The following MTUS1 variants were observed in gnomAD, a reference collection of about 807,000 sequenced individuals.
The protein encoded by MTUS1 is microtubule-associated tumor suppressor 1.
MTUS1 carries 109 observed loss-of-function variants against 120.8 expected under a neutral mutation model. That is an observed-to-expected ratio of 0.90 (90% CI 0.77 to 1.06). MTUS1 has a LOEUF of 1.06. Among genes scored for constraint, MTUS1 ranks in the 50% least tolerant of loss-of-function variants. The pLI, the probability that MTUS1 is intolerant of heterozygous loss-of-function variation, is 0.00. For synonymous variants in MTUS1, 737 were observed against 550.5 expected (o/e 1.34, Z -4.74); for missense variants, 2,210 against 1,486.3 (o/e 1.49, Z -8.01).
At chr8:17,659,183 A>C (rs1809130084) in intron 8 of MTUS1, among the ~76,000 whole-genome samples, 1 of 152,046 alleles carries the variant, frequency 6.6e-6, no homozygotes, top group Admixed American at 6.5e-5. Context: ...CTGCACCCAA[A>C]GCCCGTGCCC....
intron 6 of MTUS1, among the ~76,000 whole-genome samples, chr8:17,694,635 T>C (rs1046920876): frequency 3.3e-5 from 5 of 151,914 alleles, no homozygotes; most frequent in African/African-American, 7.3e-5. Flanking sequence ...ACCAGTGCAC[T>C]CCAGCCTAGG....
At chr8:17,730,275 A>C (rs924706713) in intron 3 of MTUS1, among the ~76,000 whole-genome samples, 8 of 152,154 alleles carry the variant, frequency 5.3e-5, no homozygotes, top group African/African-American at 1.9e-4. Context: ...CCAGGCCAGG[A>C]GTTTGAGACC....
intron 6 of MTUS1, among the ~76,000 whole-genome samples, chr8:17,711,406 T>C (rs985797365): frequency 2.6e-5 from 4 of 152,230 alleles, no homozygotes; most frequent in East Asian, 1.9e-4. Flanking sequence ...TTTCATGTTA[T>C]GAAGAGTTAC....
At chr8:17,781,988 G>T (rs372467091) in intron 1 of MTUS1, among the ~76,000 whole-genome samples, 2 of 152,216 alleles carry the variant, frequency 1.3e-5, no homozygotes, top group African/African-American at 4.8e-5. Flanking sequence ...GCCCTCCAAG[G>T]ACAGCGCCCT....
At chr8:17,730,308 C>G (rs1033810198) in intron 3 of MTUS1, among the ~76,000 whole-genome samples, 1 of 151,954 alleles carries the variant, frequency 6.6e-6, no homozygotes, top group Admixed American at 6.6e-5. Context: ...ATGGTGAAAC[C>G]CCATCTCTAC....
intron 6 of MTUS1, among the ~76,000 whole-genome samples, chr8:17,687,281 G>C (rs1305928923): frequency 6.6e-6 from 1 of 152,070 alleles, no homozygotes; most frequent in African/African-American, 2.4e-5. Context: ...CGATGACCCA[G>C]TTTCCACATG....
intron 1 of MTUS1, among the ~76,000 whole-genome samples, chr8:17,771,544 A>G (rs570784371): frequency 5.9e-5 from 9 of 152,318 alleles, no homozygotes; most frequent in Non-Finnish European, 1.0e-4. Flanking sequence ...GTGTCATCAA[A>G]GCTGTTACTT....
intron 1 of MTUS1, among the ~76,000 whole-genome samples, chr8:17,762,939 G>C (rs187363388): frequency 4.6e-5 from 7 of 151,176 alleles, no homozygotes; most frequent in African/African-American, 1.7e-4. Flanking sequence ...CTGTCCAGTT[G>C]ACCAGATCAA....
At chr8:17,758,522 ATTAACATTT>A (rs957145623) in intron 1 of MTUS1, among the ~76,000 whole-genome samples, 4 of 152,266 alleles carry the variant, frequency 2.6e-5, no homozygotes, top group Non-Finnish European at 5.9e-5. Context: ...TGAAACATAA[ATTAACATTT>A]TTAATCCTCC....
intron 3 of MTUS1, among the ~76,000 whole-genome samples, chr8:17,730,759 A>G (rs2046518565): frequency 6.6e-6 from 1 of 152,240 alleles, no homozygotes; most frequent in Admixed American, 6.5e-5. Flanking sequence ...TTTCATGATT[A>G]CTAGAATAGT....
intron 6 of MTUS1, among the ~76,000 whole-genome samples, chr8:17,697,016 A>C (rs1324008614): frequency 2.6e-5 from 4 of 152,258 alleles, no homozygotes; most frequent in Non-Finnish European, 5.9e-5. Flanking sequence ...GCTAGGGAAC[A>C]CCAAGGCAAC....
At chr8:17,696,229 T>G (rs1585760175) in intron 6 of MTUS1, among the ~76,000 whole-genome samples, 1 of 151,752 alleles carries the variant, frequency 6.6e-6, no homozygotes, top group Non-Finnish European at 1.5e-5. Flanking sequence ...AAATGACAGG[T>G]CAAGGGGAGT....
chr8:17,753,151 G>T (rs188365051), intron 2 of MTUS1, among the ~76,000 whole-genome samples: 112 of 152,156 alleles, frequency 7.4e-4, no homozygotes, highest in African/African-American at 2.6e-3. Context: ...CATCCACTAG[G>T]TCCAATCCTT....
At chr8:17,746,393 T>C (rs1032693586) in intron 2 of MTUS1, among the ~76,000 whole-genome samples, 2 of 152,140 alleles carry the variant, frequency 1.3e-5, no homozygotes, top group African/African-American at 4.8e-5. Context: ...AAGTCACACC[T>C]GAGACTGGGT....
chr8:17,705,314 T>C (rs1488295753), intron 6 of MTUS1, among the ~76,000 whole-genome samples: 1 of 152,196 alleles, frequency 6.6e-6, no homozygotes, highest in African/African-American at 2.4e-5. Context: ...GCTTTTGTTG[T>C]CCTAATTATT....
At chr8:17,756,176 G>A (rs1387446803) in intron 1 of MTUS1, among the ~76,000 whole-genome samples, 1 of 152,134 alleles carries the variant, frequency 6.6e-6, no homozygotes, top group Non-Finnish European at 1.5e-5. Flanking sequence ...GGGCAAAATG[G>A]AAGATGGGGT....
At chr8:17,756,671 A>AACCCC (rs2048636698) in intron 1 of MTUS1, among the ~76,000 whole-genome samples, 5 of 117,534 alleles carry the variant, frequency 4.3e-5, no homozygotes, top group Admixed American at 1.9e-4. Flanking sequence ...TCAAGCCCAA[A>AACCCC]CCCCCACCCC....
At chr8:17,678,048 A>C (rs1813478892) in intron 7 of MTUS1, among the ~76,000 whole-genome samples, 1 of 152,194 alleles carries the variant, frequency 6.6e-6, no homozygotes. Flanking sequence ...GATGGGAAGC[A>C]GTAATGAAAA....
chr8:17,682,740 G>C (rs569218294), intron 7 of MTUS1, among the ~76,000 whole-genome samples: 68 of 152,082 alleles, frequency 4.5e-4, no homozygotes, highest in African/African-American at 1.6e-3. Flanking sequence ...AAAATAATTG[G>C]TTTATTTCTA....
Sources: allele counts gnomAD v4.1 joint callset (sites outside exome capture counted in the v4.1 genomes callset), GRCh38; gene constraint gnomAD v4.1.1; transcripts MANE v1.5; gene names NCBI Gene and HGNC (gene_info 2026-07-23, HGNC 2026-07-21).